The following KCNMA1 variants were observed in gnomAD, a reference collection of about 807,000 sequenced individuals.
KCNMA1 encodes Calcium-activated potassium channel subunit alpha-1.
A neutral mutation model predicts 140.0 loss-of-function variants in KCNMA1; 29 were observed. That is an observed-to-expected ratio of 0.21 (90% confidence interval 0.15 to 0.28). The LOEUF is 0.28. Among genes scored for constraint, KCNMA1 ranks in the 10% least tolerant of loss-of-function variants. The probability of loss-of-function intolerance (pLI) is 1.00; values close to 1 mark genes in which losing one functional copy is unlikely to be tolerated. For synonymous variants in KCNMA1, 612 were observed against 611.9 expected, an observed-to-expected ratio of 1.00 and a Z score of 0.00; for missense variants, 880 against 1,602.2, an observed-to-expected ratio of 0.55 and a Z score of 7.70.
intron 2 of KCNMA1, among the ~76,000 whole-genome samples, chr10:77,301,810 A>G (rs1232830348): frequency 6.7e-6 from 1 of 150,058 alleles, no homozygotes; most frequent in African/African-American, 2.5e-5. Flanking sequence ...TGAGAAAGCT[A>G]CGCTAGGCAT....
chr10:77,361,214 T>C lies in KCNMA1; in HGVS notation c.540+42648A>G, dbSNP rs553124122. On this transcript the variant is annotated intron_variant, in intron 2 of 27. Transcript: ENST00000286628. ...TACAGAATAGGCAATTGGTAACTCT[T>C]AACTACTATTAGTGTAGTATTATCA... Among the ~76,000 whole-genome samples the C allele has an allele frequency of 3.3e-5, 5 of 152,352 alleles. No individual in the cohort carries two copies. In the East Asian group the frequency reaches 9.7e-4, roughly 29 times the overall value.
chr10:77,295,475 A>G (rs1164249093), intron 2 of KCNMA1, among the ~76,000 whole-genome samples: 1 of 151,970 alleles, frequency 6.6e-6, no homozygotes, highest in Non-Finnish European at 1.5e-5. Context: ...AGTGTACACT[A>G]GAGATTGTTA....
chr10:77,396,438 A>T (rs1372459001), intron 2 of KCNMA1, among the ~76,000 whole-genome samples: 1 of 152,168 alleles, frequency 6.6e-6, no homozygotes, highest in African/African-American at 2.4e-5. Flanking sequence ...AGGGCACCTA[A>T]CAGAAGTGAA....
At chr10:76,957,600 T>C (rs187616322) in intron 20 of KCNMA1, among the ~76,000 whole-genome samples, 3 of 152,306 alleles carry the variant, frequency 2.0e-5, no homozygotes, top group Non-Finnish European at 4.4e-5. Flanking sequence ...AGCATATGCA[T>C]ATAAAGGTTG....
rs2079387225 is a variant in KCNMA1, at chr10:77,311,792, C to T, written c.541-60536G>A. On this transcript the variant is annotated intron_variant, in intron 2 of 27. Coordinates refer to ENST00000286628, the MANE Select transcript of KCNMA1 (RefSeq NM_001161352.2). ...ATTCCGCAAGGCTGGAGTGGATCTG[C>T]CTCTCAGGGACCTAAGCCTTATCCA... Among the ~76,000 whole-genome samples the T allele has an allele frequency of 3.3e-5, 5 of 152,270 alleles. No homozygotes were observed. The South Asian group carries it at 1.0e-3, about 32-fold the overall frequency.
At chr10:77,382,883 A>AT (rs1404259406) in intron 2 of KCNMA1, among the ~76,000 whole-genome samples, 1 of 114,618 alleles carries the variant, frequency 8.7e-6, no homozygotes, top group African/African-American at 3.2e-5. Context: ...AAAAAAAAAA[A>AT]AAATATATAT....
intron 1 of KCNMA1, among the ~76,000 whole-genome samples, chr10:77,437,308 T>A (rs1405376781): frequency 4.0e-5 from 6 of 149,486 alleles, no homozygotes; most frequent in South Asian, 2.1e-4. Flanking sequence ...AAGGGGAGAG[T>A]GGGAGGATGG....
chr10:76,940,974 AAAG>A (rs1159792010), intron 23 of KCNMA1, among the ~76,000 whole-genome samples: 1 of 141,128 alleles, frequency 7.1e-6, no homozygotes, highest in Non-Finnish European at 1.5e-5. Flanking sequence ...AGAAAGAAAG[AAAG>A]AAAGAGAGAA....
chr10:77,446,350 A>G (rs1214088223), intron 1 of KCNMA1, among the ~76,000 whole-genome samples: 1 of 152,224 alleles, frequency 6.6e-6, no homozygotes, highest in Non-Finnish European at 1.5e-5. Context: ...CCCAGCAAAT[A>G]TGGGTTGCCT....
chr10:77,578,249 G>T (rs544831904), intron 1 of KCNMA1, among the ~76,000 whole-genome samples: 7 of 152,196 alleles, frequency 4.6e-5, no homozygotes, highest in Admixed American at 4.6e-4. Flanking sequence ...TAAATCAGAA[G>T]AAGATGAGTG....
At chr10:77,324,997 G>A (rs2154359358) in intron 2 of KCNMA1, among the ~76,000 whole-genome samples, 1 of 151,754 alleles carries the variant, frequency 6.6e-6, no homozygotes. Context: ...GTGTGTGTGT[G>A]TGTGTGTGTG....
intron 19 of KCNMA1, among the ~76,000 whole-genome samples, chr10:76,974,941 C>G (rs1014172592): frequency 6.6e-6 from 1 of 152,284 alleles, no homozygotes; most frequent in Middle Eastern, 3.4e-3. Context: ...ACAAATTCTA[C>G]TGAATAATCA....
chr10:77,223,256 T>C (rs955339196), intron 3 of KCNMA1, among the ~76,000 whole-genome samples: 1 of 152,058 alleles, frequency 6.6e-6, no homozygotes, highest in African/African-American at 2.4e-5. Context: ...AATTTTAATT[T>C]GGAAGCCATT....
At chr10:77,029,207 G>A (rs566644307) in intron 15 of KCNMA1, among the ~76,000 whole-genome samples, 7 of 152,186 alleles carry the variant, frequency 4.6e-5, no homozygotes, top group Admixed American at 6.5e-5. Flanking sequence ...TGTATGACAA[G>A]TGTCTACAAT....
Position 76,878,196 on chromosome 10 carries a change from T to A in KCNMA1, c.3428-306A>T, listed in dbSNP as rs144208589. Among the ~76,000 whole-genome samples, 33 of 152,248 alleles carry A rather than the reference T, an allele frequency of 2.2e-4. No homozygotes were observed. The East Asian group carries it at 6.0e-3, about 28-fold the overall frequency. On this transcript the variant is annotated intron_variant, in intron 29 of 29. Coordinates refer to the KCNMA1 transcript ENST00000372403. ...CTGGCAATGTCCCTTGGAGTTAATTTCATGGCCAGAAAAGGTTTGGTGGGG... is the reference window on the plus strand; with the variant it reads ...CTGGCAATGTCCCTTGGAGTTAATTACATGGCCAGAAAAGGTTTGGTGGGG...
At chr10:77,545,985 C>T (rs1251264273) in intron 1 of KCNMA1, among the ~76,000 whole-genome samples, 1 of 152,172 alleles carries the variant, frequency 6.6e-6, no homozygotes, top group Non-Finnish European at 1.5e-5. Flanking sequence ...CGGCTCTTCA[C>T]TCCCTCCCTA....
intron 16 of KCNMA1, chr10:77,019,320 C>T: frequency 1.8e-6 from 1 of 551,226 alleles, no homozygotes; most frequent in South Asian, 2.1e-5. Flanking sequence ...TGGCATGCTC[C>T]CAGTTGAGGA....
chr10:77,267,677 CT>C (rs1176868963), intron 2 of KCNMA1, among the ~76,000 whole-genome samples: 1 of 152,200 alleles, frequency 6.6e-6, no homozygotes, highest in African/African-American at 2.4e-5. Flanking sequence ...TAGCAACCCT[CT>C]CTTTCTCTCC....
chr10:77,169,568 A>T (rs995557888), intron 5 of KCNMA1, among the ~76,000 whole-genome samples: 2 of 151,838 alleles, frequency 1.3e-5, no homozygotes, highest in Non-Finnish European at 2.9e-5. Flanking sequence ...TTTTTAAAAA[A>T]ATTTTTGTAG....
Sources: gnomAD v4.1 joint callset for allele counts (sites outside exome capture counted in the v4.1 genomes callset) on GRCh38, gnomAD v4.1.1 for gene constraint, MANE v1.5 for transcripts, NCBI Gene and HGNC (gene_info 2026-07-23, HGNC 2026-07-21) for gene names.